Variants in LRRC40 observed in about 807,000 individuals in gnomAD.
LRRC40 encodes the protein leucine rich repeat containing 40, also known as leucine-rich repeat-containing protein 40.
In LRRC40, 76 loss-of-function variants were observed where a neutral mutation model predicts 72.8. The observed-to-expected ratio is 1.04, with a 90% confidence interval of 0.87 to 1.26. The LOEUF (loss-of-function observed/expected upper bound fraction) is 1.26. LRRC40 is among the 50% of genes most tolerant of loss of function. The pLI is 0.00. For missense variants in LRRC40, 684 were observed against 698.9 expected (o/e 0.98, Z 0.24); for synonymous variants, 243 against 254.2 (o/e 0.96, Z 0.42).
rs561637313 is a variant in LRRC40 at position 70,202,606 on chromosome 1, T to C, written c.151+2784A>G. On this transcript the variant is annotated intron_variant, in intron 1 of 14. Coordinates refer to ENST00000370952, the MANE Select transcript of LRRC40 (RefSeq NM_017768.5). ...GAAATTATGCTGTATGATACTCTAATGGTGGATATACGACATGCATTTGTC... is the reference window on the plus strand; with the variant it reads ...GAAATTATGCTGTATGATACTCTAACGGTGGATATACGACATGCATTTGTC... Among the ~76,000 whole-genome samples the C allele has an allele frequency of 6.6e-5, 10 of 152,306 alleles. No individual in the cohort carries two copies. In the East Asian group the frequency reaches 7.7e-4, roughly 12 times the overall value.
Position 70,145,603 on chromosome 1 carries a change from T to C in LRRC40, c.*197A>G. 1 of 387,512 alleles carries C rather than the reference T, an allele frequency of 2.6e-6. No homozygotes were observed. The highest frequency in any genetic ancestry group is 4.6e-6 in the Non-Finnish European group (1 of 217,500). 24.0% of individuals were successfully genotyped at this position (387,512 alleles called of 1,614,324 possible). On this transcript the variant is annotated 3_prime_UTR_variant, in exon 15 of 15. Transcript: ENST00000370952. ...ATGTATACAACACCTTACAAAAATC[T>C]TAAATAAAAATGTAAAAATATTTAC...
intron 1 of LRRC40, among the ~76,000 whole-genome samples, chr1:70,189,801 G>A (rs1023956549): frequency 3.9e-5 from 6 of 152,206 alleles, no homozygotes. Flanking sequence ...CCATTGGATG[G>A]ATGAGAAAAA....
chr1:70,200,649 A>G (rs1668717195), intron 1 of LRRC40, among the ~76,000 whole-genome samples: 1 of 152,240 alleles, frequency 6.6e-6, no homozygotes, highest in African/African-American at 2.4e-5. Flanking sequence ...GGTGTCATTA[A>G]TCTTTATTTC....
Position 70,189,185 on chromosome 1 carries a change from C to T in LRRC40, c.240G>A (p.Glu80=), listed in dbSNP as rs546978294. 1.2e-6 allele frequency: 2 copies of T among 1,613,458 alleles called. No homozygotes were observed. The highest frequency in any genetic ancestry group is 2.7e-5 in the African/African-American group (2 of 74,900). The change falls in exon 2 of 15, where the codon GAG becomes GAA. Residue 80 remains glutamate (E), a synonymous_variant. Coordinates refer to ENST00000370952, the MANE Select transcript of LRRC40 (RefSeq NM_017768.5). ...LSFGATERWW[E]QTDLTKLIIS... Reference sequence around the variant, plus strand: ...TTATTAGTTTGGTCAAATCTGTCTGCTCCCACCATCTTTCAGTAGCACCAA... The same window carrying T: ...TTATTAGTTTGGTCAAATCTGTCTGTTCCCACCATCTTTCAGTAGCACCAA...
At position 70,172,289 on chromosome 1, in the gene LRRC40, A is replaced by G. The variant is rs184567999; in HGVS notation, c.1111+1176T>C. On this transcript the variant is annotated intron_variant, in intron 9 of 14. Coordinates refer to ENST00000370952, the MANE Select transcript of LRRC40 (RefSeq NM_017768.5). ...TGTTATTTATAAATTACAGTCTAAG[A>G]TATTTTATTATAGTAGCCCAAACTG... is the stretch of plus-strand genomic sequence containing the variant. Among the ~76,000 whole-genome samples the G allele has an allele frequency of 3.2e-4, 48 of 152,298 alleles. No homozygotes were observed. In the East Asian group the frequency reaches 8.7e-3, roughly 28 times the overall value.
chr1:70,146,221 T>C (rs1667288088), intron 14 of LRRC40, among the ~76,000 whole-genome samples: 1 of 151,960 alleles, frequency 6.6e-6, no homozygotes, highest in South Asian at 2.1e-4. Flanking sequence ...GAGGGGGTTT[T>C]GCCATTTTGG....
intron 9 of LRRC40, among the ~76,000 whole-genome samples, chr1:70,165,378 T>C (rs1667859230): frequency 6.6e-6 from 1 of 152,226 alleles, no homozygotes; most frequent in Non-Finnish European, 1.5e-5. Context: ...ACAAGATTTT[T>C]CTTTGACACA....
At chr1:70,199,584 T>A (rs1394259406) in intron 1 of LRRC40, among the ~76,000 whole-genome samples, 1 of 152,194 alleles carries the variant, frequency 6.6e-6, no homozygotes, top group African/African-American at 2.4e-5. Flanking sequence ...AAGACCTTTA[T>A]GATGATCCAC....
chr1:70,159,037 A>C (rs999646194), intron 10 of LRRC40, among the ~76,000 whole-genome samples: 1 of 152,044 alleles, frequency 6.6e-6, no homozygotes, highest in African/African-American at 2.4e-5. Context: ...ATATCCTTCT[A>C]TTTCATCATG....
At chr1:70,198,738 T>C (rs1437799519) in intron 1 of LRRC40, among the ~76,000 whole-genome samples, 1 of 152,186 alleles carries the variant, frequency 6.6e-6, no homozygotes, top group East Asian at 1.9e-4. Flanking sequence ...TAATTAATAG[T>C]AGTCATAAGA....
intron 9 of LRRC40, among the ~76,000 whole-genome samples, chr1:70,170,671 A>G (rs1667981706): frequency 6.6e-6 from 1 of 152,164 alleles, no homozygotes; most frequent in Non-Finnish European, 1.5e-5. Flanking sequence ...ATAAACAAGT[A>G]TAAAACTTAC....
chr1:70,179,850 C>G (rs1240445497), intron 5 of LRRC40, among the ~76,000 whole-genome samples: 2 of 151,918 alleles, frequency 1.3e-5, no homozygotes, highest in African/African-American at 4.8e-5. Flanking sequence ...GTAAAGACTC[C>G]CCTAAAATGT....
intron 10 of LRRC40, among the ~76,000 whole-genome samples, chr1:70,158,031 T>C (rs1667677603): frequency 7.0e-6 from 1 of 142,624 alleles, no homozygotes. Flanking sequence ...AGCCAGGAGG[T>C]TGAGGTTACA....
intron 11 of LRRC40, among the ~76,000 whole-genome samples, chr1:70,154,413 C>A (rs1474901906): frequency 6.6e-6 from 1 of 152,108 alleles, no homozygotes; most frequent in Non-Finnish European, 1.5e-5. Context: ...TTAAGTATAT[C>A]TTTATTCCCA....
At position 70,160,601 on chromosome 1, in the gene LRRC40, G is replaced by A. The variant is rs371785216; in HGVS notation, c.1112-1163C>T. ...TAAGCAGAGAGACACTATTAAACCAGCAACAAAATCCAGCATTGTTTTTAA... is the reference window on the plus strand; with the variant it reads ...TAAGCAGAGAGACACTATTAAACCAACAACAAAATCCAGCATTGTTTTTAA... On this transcript the variant is annotated intron_variant, in intron 9 of 14. Transcript: ENST00000370952. Among the ~76,000 whole-genome samples the A allele has an allele frequency of 7.2e-5, 11 of 152,154 alleles. No homozygotes were observed. The East Asian group carries it at 1.9e-3, about 27-fold the overall frequency.
At chr1:70,196,241 T>C (rs1216387898) in intron 1 of LRRC40, among the ~76,000 whole-genome samples, 1 of 152,138 alleles carries the variant, frequency 6.6e-6, no homozygotes, top group Non-Finnish European at 1.5e-5. Context: ...ACAAATGGAC[T>C]ATTATTCAGC....
intron 4 of LRRC40, 61 bp downstream of exon 4, chr1:70,184,724 C>A: frequency 2.0e-6 from 3 of 1,466,020 alleles, no homozygotes; most frequent in South Asian, 2.7e-5. Context: ...CTTAATTTCT[C>A]AGCCTGATGA....
At chr1:70,193,841 T>G (rs1668553207) in intron 1 of LRRC40, among the ~76,000 whole-genome samples, 1 of 151,812 alleles carries the variant, frequency 6.6e-6, no homozygotes, top group Admixed American at 6.6e-5. Flanking sequence ...AACAGAAAAA[T>G]GAGAAATACT....
At chr1:70,170,673 A>G (rs987688098) in intron 9 of LRRC40, among the ~76,000 whole-genome samples, 3 of 152,176 alleles carry the variant, frequency 2.0e-5, no homozygotes, top group African/African-American at 7.2e-5. Context: ...AAACAAGTAT[A>G]AAACTTACAG....
Sources: allele counts gnomAD v4.1 joint callset (sites outside exome capture counted in the v4.1 genomes callset), GRCh38; gene constraint gnomAD v4.1.1; transcripts MANE v1.5; gene names NCBI Gene and HGNC (gene_info 2026-07-23, HGNC 2026-07-21).